The following SSH1 variants were observed in gnomAD, a reference collection of about 807,000 sequenced individuals.
SSH1 encodes the protein slingshot protein phosphatase 1.
A neutral mutation model predicts 79.7 loss-of-function variants in SSH1; 43 were observed. The observed-to-expected ratio is 0.54, with a 90% CI of 0.42 to 0.70. The LOEUF is 0.70. Ranked by LOEUF, SSH1 falls within the 30% of genes least tolerant of loss-of-function variation. The pLI is 0.00. For synonymous variants in SSH1, 599 were observed against 538.3 expected (o/e 1.11, Z -1.56); for missense variants, 1,206 against 1,358.8 (o/e 0.89, Z 1.77).
intron 2 of SSH1, among the ~76,000 whole-genome samples, chr12:108,841,562 C>A (rs1228400135): frequency 2.6e-5 from 4 of 152,162 alleles, no homozygotes; most frequent in African/African-American, 9.7e-5. Flanking sequence ...AATCCCAGCA[C>A]TTTGGGAGGC....
At chr12:108,796,028 G>C (rs374476320) in intron 13 of SSH1, among the ~76,000 whole-genome samples, 1 of 151,780 alleles carries the variant, frequency 6.6e-6, no homozygotes, top group African/African-American at 2.4e-5. Flanking sequence ...CCATTCTCCC[G>C]CCTCAGCCTT....
In SSH1 at chr12:108,789,063, G is replaced by A. The variant is rs752270800; in HGVS notation, c.2075C>T (p.Ala692Val). The A allele has an allele frequency of 1.2e-6, 2 of 1,611,368 alleles. No homozygotes were observed. The highest frequency in any genetic ancestry group is 2.7e-5 in the African/African-American group (2 of 74,824). Residue 692 changes from alanine (A) to valine (V), a missense_variant, in exon 15 of 15, where the codon GCC (alanine) becomes GTC (valine). Physicochemically the swap from Ala to Val is moderately conservative, Grantham distance 64 (BLOSUM62 0). This residue lies in a region of SSH1 where 709 missense variants were observed against 730.6 expected (regional missense o/e 0.97). Coordinates refer to ENST00000326495, the MANE Select transcript of SSH1 (RefSeq NM_018984.4). The stretch of plus-strand genomic sequence containing the variant: ...AACACGGGACCTGCTGGCCAAGTGG[G>A]CCACAGGGGAGGACGTGATGTGGGG... ...FLPHITSSPVAHLASRSRVPE... is the reference protein window; with the variant it reads ...FLPHITSSPVVHLASRSRVPE...
Position 108,788,129 on chromosome 12 carries a change from GT to G in SSH1, c.3008del (p.Asp1003AlafsTer7). The G allele has an allele frequency of 6.2e-7, 1 of 1,614,082 alleles. No homozygotes were observed. On this transcript the variant is annotated frameshift_variant, in exon 15 of 15. Transcript: ENST00000326495. LOFTEE classifies it low-confidence loss of function (END_TRUNC). ...SSEADPSTVA[D>X]SQDTTLSESS... ...ATTCACTCAAAGTGGTGTCCTGGGAGTCAGCGACGGTGGACGGGTCAGCCTC... is the reference window on the plus strand; with the variant it reads ...ATTCACTCAAAGTGGTGTCCTGGGAGCAGCGACGGTGGACGGGTCAGCCTC...
At chr12:108,802,417 A>C in intron 10 of SSH1, 49 bp from the exon 11 acceptor site, 17 of 1,574,564 alleles carry the variant, frequency 1.1e-5, no homozygotes, top group African/African-American at 1.3e-5. Context: ...TGTCAGCCTC[A>C]GAGCTGCTCA....
rs1387626172 is a variant in SSH1 at position 108,784,103 on chromosome 12, G to A, written c.*3885C>T. 1 of 152,234 alleles carries A rather than the reference G, an allele frequency of 6.6e-6. No homozygotes were observed. The highest frequency in any genetic ancestry group is 1.5e-5 in the Non-Finnish European group (1 of 68,060). 9.4% of individuals were successfully genotyped at this position (152,234 alleles called of 1,614,324 possible). A position where few individuals can be genotyped will look rare whatever the true frequency, so the allele number is the denominator to read the frequency against. ...CTCCCTCTCCAGATGCCTCAGGTGAGATGACTTAATAGGATCTTGACTAAA... is the reference window on the plus strand; with the variant it reads ...CTCCCTCTCCAGATGCCTCAGGTGAAATGACTTAATAGGATCTTGACTAAA... On this transcript the variant is annotated 3_prime_UTR_variant, in exon 15 of 15. Transcript: ENST00000326495.
intron 1 of SSH1, among the ~76,000 whole-genome samples, chr12:108,856,991 G>C (rs964698027): frequency 6.6e-6 from 1 of 152,164 alleles, no homozygotes; most frequent in African/African-American, 2.4e-5. Context: ...TGAAATCACA[G>C]TCCCCACACA....
intron 13 of SSH1, among the ~76,000 whole-genome samples, chr12:108,796,123 C>A (rs536448704): frequency 3.3e-5 from 5 of 152,188 alleles, no homozygotes; most frequent in Admixed American, 6.5e-5. Context: ...ACCTTGTTGG[C>A]CAGACTGGTC....
chr12:108,802,271 G>A, intron 11 of SSH1, 51 bp downstream of exon 11: 6 of 1,566,542 alleles, frequency 3.8e-6, no homozygotes, highest in Non-Finnish European at 5.3e-6. Flanking sequence ...CAGAGTGGAG[G>A]GTTTCTAAGC....
intron 10 of SSH1, among the ~76,000 whole-genome samples, chr12:108,802,949 G>A (rs983061883): frequency 2.0e-5 from 3 of 151,934 alleles, no homozygotes; most frequent in African/African-American, 7.3e-5. Context: ...CGTCCAAAGG[G>A]AAAAAATGAG....
At chr12:108,843,099 T>G (rs1219097991) in intron 2 of SSH1, among the ~76,000 whole-genome samples, 2 of 152,208 alleles carry the variant, frequency 1.3e-5, no homozygotes, top group South Asian at 2.1e-4. Context: ...GGAATTTTTA[T>G]TTTGTTTGTT....
chr12:108,798,712 G>C (rs1593024221), intron 13 of SSH1, among the ~76,000 whole-genome samples: 1 of 152,220 alleles, frequency 6.6e-6, no homozygotes, highest in East Asian at 1.9e-4. Flanking sequence ...ACACACACGA[G>C]GCCAGGCCTT....
intron 2 of SSH1, among the ~76,000 whole-genome samples, chr12:108,836,400 C>T (rs1306833096): frequency 6.6e-6 from 1 of 152,118 alleles, no homozygotes; most frequent in Non-Finnish European, 1.5e-5. Context: ...ACCAGAGCCC[C>T]TTGGATAAAG....
intron 2 of SSH1, among the ~76,000 whole-genome samples, chr12:108,842,332 G>T (rs1429050574): frequency 6.6e-6 from 1 of 152,158 alleles, no homozygotes; most frequent in East Asian, 1.9e-4. Flanking sequence ...AGGCCACAGG[G>T]GTTAGGGCAG....
At chr12:108,792,882 G>A in intron 13 of SSH1, 53 bp from the exon 14 acceptor site, 2 of 1,608,928 alleles carry the variant, frequency 1.2e-6, no homozygotes, top group Non-Finnish European at 8.5e-7. Flanking sequence ...GTGCCTGGGG[G>A]TGCTGGGAAG....
chr12:108,792,876 C>T, intron 13 of SSH1, 47 bp from the exon 14 acceptor site: 1 of 1,609,648 alleles, frequency 6.2e-7, no homozygotes. Context: ...AGGATGGTGC[C>T]TGGGGGTGCT....
Position 108,788,107 on chromosome 12 carries a change from C to T in SSH1, c.3031G>A (p.Glu1011Lys). 1 of 1,614,056 alleles carries T rather than the reference C, an allele frequency of 6.2e-7. No homozygotes were observed. ...TGGGGCTCATGCAAGAAGGAAGATT[C>T]ACTCAAAGTGGTGTCCTGGGAGTCA... ...VADSQDTTLS[E>K]SSFLHEPQGT... The change falls in exon 15 of 15, where the codon GAA (glutamate) becomes AAA (lysine). Residue 1011 changes from glutamate (E) to lysine (K), a missense_variant. Coordinates refer to ENST00000326495, the MANE Select transcript of SSH1 (RefSeq NM_018984.4).
rs745582826 is a variant in SSH1, at chr12:108,785,716, TAA to T, written c.*2270_*2271del. On this transcript the variant is annotated 3_prime_UTR_variant, in exon 15 of 15. Coordinates refer to ENST00000326495, the MANE Select transcript of SSH1 (RefSeq NM_018984.4). ...TAAGAAAAATTATGGCTTTCAAAAT[TAA>T]AGTTTTCAAAAATATATCATTCTCA... 2.6e-5 allele frequency: 4 copies of T among 152,126 alleles called. No homozygotes were observed. In the South Asian group the frequency reaches 6.2e-4, roughly 24 times the overall value. 9.4% of individuals were successfully genotyped at this position (152,126 alleles called of 1,614,324 possible).
intron 2 of SSH1, among the ~76,000 whole-genome samples, chr12:108,842,846 CCT>C (rs2038811995): frequency 6.6e-6 from 1 of 152,212 alleles, no homozygotes; most frequent in Non-Finnish European, 1.5e-5. Flanking sequence ...AGGCCACTGA[CCT>C]CTCTGGGGTT....
intron 1 of SSH1, chr12:108,853,198 G>C (rs2039079559): frequency 1.0e-6 from 1 of 985,066 alleles, no homozygotes; most frequent in South Asian, 4.7e-5. Flanking sequence ...AGCTCTTGAT[G>C]GTTCTCGAAA....
Sources: allele counts gnomAD v4.1 joint callset (sites outside exome capture counted in the v4.1 genomes callset), GRCh38; gene constraint gnomAD v4.1.1; regional missense constraint gnomAD v4.1.1; transcripts MANE v1.5; gene names NCBI Gene and HGNC (gene_info 2026-07-23, HGNC 2026-07-21).